KIF11: variants seen among roughly 807,000 people sequenced by gnomAD.
The protein encoded by KIF11 is kinesin family member 11, also known as kinesin-like protein KIF11.
A neutral mutation model predicts 121.0 loss-of-function variants in KIF11; 9 were observed. The observed-to-expected ratio is 0.07, with a 90% CI of 0.04 to 0.13. The LOEUF (loss-of-function observed/expected upper bound fraction) is 0.13, where lower values mean the gene tolerates loss of function less well. Among genes scored for constraint, KIF11 ranks in the 10% least tolerant of loss-of-function variants. The pLI is 1.00. For synonymous variants in KIF11, 408 were observed against 421.0 expected (o/e 0.97, Z 0.38); for missense variants, 846 against 1,217.5 (o/e 0.69, Z 4.54).
chr10:92,600,250 G>A (rs144451296), intron 1 of KIF11, among the ~76,000 whole-genome samples: 3,171 of 152,050 alleles, frequency 0.021, 50 homozygotes, highest in Admixed American at 0.053. Context: ...TGATCCGCCC[G>A]CTTCGGCCTC....
chr10:92,651,263 A>G (rs1844976066), intron 21 of KIF11, among the ~76,000 whole-genome samples: 1 of 151,782 alleles, frequency 6.6e-6, no homozygotes, highest in Non-Finnish European at 1.5e-5. Flanking sequence ...CCTGACCTCA[A>G]GTTATCTACC....
intron 19 of KIF11, among the ~76,000 whole-genome samples, chr10:92,649,633 G>GA (rs964950429): frequency 6.6e-6 from 1 of 152,058 alleles, no homozygotes; most frequent in African/African-American, 2.4e-5. Context: ...GATGAATCTT[G>GA]AAAACAGTAA....
Position 92,643,533 on chromosome 10 carries a change from T to G in KIF11, c.2268-1830T>G, listed in dbSNP as rs1844887991. 1.3e-5 allele frequency among the ~76,000 whole-genome samples: 2 copies of G among 151,926 alleles called. 1 individual carries two copies. The highest frequency in any genetic ancestry group is 4.1e-4 in the South Asian group (2 of 4,828). On this transcript the variant is annotated intron_variant, in intron 17 of 21. Transcript: ENST00000260731. ...GTTACTTGAATTGCTTTATCTATTT[T>G]CTTTTTTAATGTATCTACTAGATTT...
chr10:92,611,791 C>T (rs1033737857), intron 6 of KIF11, among the ~76,000 whole-genome samples: 1 of 151,946 alleles, frequency 6.6e-6, no homozygotes, highest in East Asian at 1.9e-4. Context: ...CCCAGATACT[C>T]GGTAGGCTGA....
chr10:92,643,462 A>G (rs1844887230), intron 17 of KIF11, among the ~76,000 whole-genome samples: 3 of 150,706 alleles, frequency 2.0e-5, no homozygotes, highest in African/African-American at 7.3e-5. Context: ...TTATTTTCAT[A>G]TGTTTTACTT....
intron 16 of KIF11, 100 bp from the exon 17 acceptor site, chr10:92,639,694 T>C: frequency 1.5e-6 from 1 of 645,416 alleles, no homozygotes; most frequent in Non-Finnish European, 2.7e-6. Flanking sequence ...ATTTATATAA[T>C]TCTCACCTAT....
chr10:92,645,207 CCATT>C (rs1359737642), intron 17 of KIF11, among the ~76,000 whole-genome samples, 152 bp from the exon 18 acceptor site: 1 of 152,194 alleles, frequency 6.6e-6, no homozygotes, highest in East Asian at 1.9e-4. Flanking sequence ...GCCAAGGCAT[CCATT>C]CTCAATGCAG....
chr10:92,600,864 T>C (rs1203585239), intron 1 of KIF11, among the ~76,000 whole-genome samples: 1 of 152,008 alleles, frequency 6.6e-6, no homozygotes, highest in Non-Finnish European at 1.5e-5. Flanking sequence ...CTTTTCTTTC[T>C]TTTTTTCTTT....
intron 16 of KIF11, among the ~76,000 whole-genome samples, chr10:92,639,237 C>A (rs757872875): frequency 1.3e-5 from 2 of 152,084 alleles, no homozygotes; most frequent in African/African-American, 2.4e-5. Context: ...TTGAGGTACA[C>A]TGAAAGTAAT....
At chr10:92,619,261 C>T (rs1284691932) in intron 9 of KIF11, among the ~76,000 whole-genome samples, 1 of 152,198 alleles carries the variant, frequency 6.6e-6, no homozygotes, top group African/African-American at 2.4e-5. Context: ...TTGTGATCCA[C>T]CCACCTTGGC....
chr10:92,636,385 G>T (rs952657778), intron 14 of KIF11, among the ~76,000 whole-genome samples: 1 of 152,112 alleles, frequency 6.6e-6, no homozygotes, highest in Non-Finnish European at 1.5e-5. Context: ...GGGAGGCCAA[G>T]GTGGGTGGAT....
At chr10:92,632,779 C>T (rs1179307555) in intron 13 of KIF11, 86 bp downstream of exon 13, 18 of 743,560 alleles carry the variant, frequency 2.4e-5, no homozygotes, top group African/African-American at 1.1e-4. Flanking sequence ...ACATAGATGA[C>T]GGTGTCACCA....
chr10:92,627,891 G>C (rs1415053161), intron 10 of KIF11, among the ~76,000 whole-genome samples: 2 of 152,100 alleles, frequency 1.3e-5, no homozygotes, highest in Non-Finnish European at 2.9e-5. Flanking sequence ...ATTAGAGTGG[G>C]TATAGGGGGC....
intron 9 of KIF11, among the ~76,000 whole-genome samples, chr10:92,618,962 C>G (rs1431439473): frequency 6.6e-6 from 1 of 152,050 alleles, no homozygotes; most frequent in East Asian, 1.9e-4. Context: ...CATTTCAAGA[C>G]TGTTATTGAT....
chr10:92,648,108 C>CAAAAAAAA lies in KIF11; in HGVS notation c.2548-97_2548-90dup, dbSNP rs34357393. The CAAAAAAAA allele has an allele frequency of 4.4e-5, 30 of 681,280 alleles. No homozygotes were observed. The African/African-American group carries it at 5.0e-4, about 11-fold the overall frequency. 42.2% of individuals were successfully genotyped at this position (681,280 alleles called of 1,614,324 possible). ...TGGGCAACAGAGTGAGACTTGTCTCCAAAAAAAAAAAAAATTATGGAAAAG... is the reference window on the plus strand; with the variant it reads ...TGGGCAACAGAGTGAGACTTGTCTCCAAAAAAAAAAAAAAAAAAAAAATTATGGAAAAG... On this transcript the variant is annotated intron_variant, in intron 18 of 21. Coordinates refer to ENST00000260731, the MANE Select transcript of KIF11 (RefSeq NM_004523.4).
At chr10:92,621,237 T>G in intron 9 of KIF11, 148 bp from the exon 10 acceptor site, 1 of 456,636 alleles carries the variant, frequency 2.2e-6, no homozygotes, top group South Asian at 4.3e-5. Context: ...TAATATTGAT[T>G]AAAAAGTATG....
chr10:92,599,538 A>AC (rs1844342741), intron 1 of KIF11, among the ~76,000 whole-genome samples: 2 of 151,162 alleles, frequency 1.3e-5, no homozygotes, highest in South Asian at 4.2e-4. Flanking sequence ...AAAAAAAAAA[A>AC]AGAAAAAAGA....
Position 92,653,897 on chromosome 10 carries a change from A to G in KIF11, c.*101A>G, listed in dbSNP as rs780464368. 5.2e-5 allele frequency: 57 copies of G among 1,106,782 alleles called. No individual in the cohort carries two copies. The highest frequency in any genetic ancestry group is 6.5e-5 in the Non-Finnish European group (51 of 784,930). 68.6% of individuals were successfully genotyped at this position (1,106,782 alleles called of 1,614,324 possible). A position where few individuals can be genotyped will look rare whatever the true frequency, so the allele number is the denominator to read the frequency against. On this transcript the variant is annotated 3_prime_UTR_variant, in exon 22 of 22. Transcript: ENST00000260731. ...GTGTATAGATTTTAAAAGAATATAT[A>G]TATCAGCCGGGCGCGGTGGCTCATG...
At chr10:92,594,659 C>T (rs1197733358) in intron 1 of KIF11, among the ~76,000 whole-genome samples, 1 of 152,174 alleles carries the variant, frequency 6.6e-6, no homozygotes, top group Non-Finnish European at 1.5e-5. Context: ...TTTGTATATT[C>T]ATCACCCAGA....
Sources: allele counts gnomAD v4.1 joint callset (sites outside exome capture counted in the v4.1 genomes callset), GRCh38; gene constraint gnomAD v4.1.1; transcripts MANE v1.5; gene names NCBI Gene and HGNC (gene_info 2026-07-23, HGNC 2026-07-21).